NR2F1-AS1: variants seen among roughly 807,000 people sequenced by gnomAD.
The protein encoded by NR2F1-AS1 is NR2F1 regulatory antisense RNA 1.
At chr5:93,439,870 T>A (rs1208992669) in intron 4 of NR2F1-AS1, among the ~76,000 whole-genome samples, 1 of 152,232 alleles carries the variant, frequency 6.6e-6, no homozygotes, top group Non-Finnish European at 1.5e-5. Context: ...TTGCTCATCA[T>A]GTTTCAGCAT....
At chr5:93,415,761 C>T (rs531073130) in intron 4 of NR2F1-AS1, among the ~76,000 whole-genome samples, 8 of 152,102 alleles carry the variant, frequency 5.3e-5, no homozygotes, top group Non-Finnish European at 1.2e-4. Flanking sequence ...TGCAGAAAAG[C>T]CTGATTTTTA....
At chr5:93,417,333 C>T (rs1167016602) in intron 4 of NR2F1-AS1, among the ~76,000 whole-genome samples, 5 of 152,130 alleles carry the variant, frequency 3.3e-5, no homozygotes, top group Non-Finnish European at 7.3e-5. Context: ...AGTCACTTAG[C>T]ACTGCTCTAT....
intron 4 of NR2F1-AS1, among the ~76,000 whole-genome samples, chr5:93,458,758 C>T (rs1192051644): frequency 1.3e-5 from 2 of 152,070 alleles, no homozygotes; most frequent in Non-Finnish European, 1.5e-5. Context: ...GCCTGTAATC[C>T]CAGTACTTTG....
upstream of NR2F1-AS1, among the ~76,000 whole-genome samples, chr5:93,582,769 TAA>T (rs924290805): frequency 1.1e-4 from 6 of 53,962 alleles, no homozygotes; most frequent in South Asian, 6.0e-3. Context: ...GGTGTGAGCG[TAA>T]GTGTGTGTGT....
intron 4 of NR2F1-AS1, among the ~76,000 whole-genome samples, chr5:93,512,225 A>G (rs1751313059): frequency 1.3e-5 from 2 of 152,236 alleles, no homozygotes; most frequent in South Asian, 4.1e-4. Flanking sequence ...CATGGGTAGG[A>G]CTAGGCTAAT....
At chr5:93,504,497 C>G (rs910001979) in intron 4 of NR2F1-AS1, among the ~76,000 whole-genome samples, 2 of 152,068 alleles carry the variant, frequency 1.3e-5, no homozygotes, top group East Asian at 3.9e-4. Flanking sequence ...CTATCCAGCT[C>G]ATCTTATAAG....
At chr5:93,524,217 C>A (rs1751564050) in intron 4 of NR2F1-AS1, among the ~76,000 whole-genome samples, 1 of 151,470 alleles carries the variant, frequency 6.6e-6, no homozygotes, top group African/African-American at 2.4e-5. Context: ...CATACACAAG[C>A]ATCAAAAGCC....
At chr5:93,410,176 G>T (rs1230226564) in intron 4 of NR2F1-AS1, 1 of 152,126 alleles carries the variant, frequency 6.6e-6, no homozygotes, top group Non-Finnish European at 1.5e-5. Flanking sequence ...GAACACGAAG[G>T]ACAATGAATA....
At chr5:93,464,039 G>A (rs866755294) in intron 4 of NR2F1-AS1, among the ~76,000 whole-genome samples, 8 of 152,076 alleles carry the variant, frequency 5.3e-5, no homozygotes, top group African/African-American at 1.4e-4. Flanking sequence ...GTGAGATTTC[G>A]GAGGGGCCAG....
At chr5:93,572,905 G>T (rs543900152) in intron 1 of NR2F1-AS1, among the ~76,000 whole-genome samples, 1 of 152,304 alleles carries the variant, frequency 6.6e-6, no homozygotes, top group Non-Finnish European at 1.5e-5. Context: ...CGGCGGGGCC[G>T]GATCCTCCGC....
intron 4 of NR2F1-AS1, among the ~76,000 whole-genome samples, chr5:93,459,696 C>T (rs1750047538): frequency 6.6e-6 from 1 of 152,110 alleles, no homozygotes; most frequent in Non-Finnish European, 1.5e-5. Flanking sequence ...GATTCGTCAT[C>T]CATGCAACCA....
chr5:93,574,372 C>T (rs1161011768), intron 1 of NR2F1-AS1, among the ~76,000 whole-genome samples: 3 of 152,154 alleles, frequency 2.0e-5, no homozygotes, highest in African/African-American at 4.8e-5. Flanking sequence ...GTTCATGCTA[C>T]CAAAACCTTT....
At chr5:93,557,348 T>C (rs1420734582) in intron 2 of NR2F1-AS1, among the ~76,000 whole-genome samples, 1 of 152,190 alleles carries the variant, frequency 6.6e-6, no homozygotes, top group East Asian at 1.9e-4. Context: ...ATACTTCAAT[T>C]CAAATCCTTG....
intron 4 of NR2F1-AS1, among the ~76,000 whole-genome samples, chr5:93,503,769 G>A (rs1434869077): frequency 6.6e-6 from 1 of 152,176 alleles, no homozygotes; most frequent in Non-Finnish European, 1.5e-5. Flanking sequence ...TGTTCCTGAG[G>A]GAATTAGGTT....
At chr5:93,442,928 AG>A (rs1171027256) in intron 4 of NR2F1-AS1, among the ~76,000 whole-genome samples, 1 of 152,252 alleles carries the variant, frequency 6.6e-6, no homozygotes, top group Admixed American at 6.5e-5. Flanking sequence ...CCAGGCAAAC[AG>A]GGTCTGGAGT....
intron 4 of NR2F1-AS1, chr5:93,409,793 C>T (rs958365257): frequency 6.6e-6 from 1 of 152,132 alleles, no homozygotes; most frequent in African/African-American, 2.4e-5. Flanking sequence ...AATATAATGC[C>T]TCATTCAAAG....
chr5:93,584,726 G>C (rs1753194530), upstream of NR2F1-AS1: 1 of 150,796 alleles, frequency 6.6e-6, no homozygotes, highest in Admixed American at 6.6e-5. Context: ...GAGCCTGGGG[G>C]GGCTGCAAAA....
intron 4 of NR2F1-AS1, among the ~76,000 whole-genome samples, chr5:93,486,992 A>T (rs556903357): frequency 1.3e-5 from 2 of 152,334 alleles, no homozygotes; most frequent in East Asian, 1.9e-4. Flanking sequence ...CCAATGGCAA[A>T]AACCTTATGA....
At chr5:93,450,618 C>T (rs1189025031) in intron 4 of NR2F1-AS1, among the ~76,000 whole-genome samples, 1 of 152,018 alleles carries the variant, frequency 6.6e-6, no homozygotes, top group Admixed American at 6.6e-5. Context: ...CTGTGGAACA[C>T]TAGTGTGTCA....
Sources: allele counts gnomAD v4.1 joint callset (sites outside exome capture counted in the v4.1 genomes callset), GRCh38; gene constraint gnomAD v4.1.1; transcripts MANE v1.5; gene names NCBI Gene and HGNC (gene_info 2026-07-23, HGNC 2026-07-21).